ADAM18: variants seen among roughly 807,000 people sequenced by gnomAD.
ADAM18 encodes the protein disintegrin and metalloproteinase domain-containing protein 18.
Under a neutral mutation model 94.4 loss-of-function variants are expected in ADAM18, and 117 were observed. That is an observed-to-expected ratio of 1.24 (90% CI 1.07 to 1.45). The LOEUF (loss-of-function observed/expected upper bound fraction) is 1.45. Among genes scored for constraint, ADAM18 ranks in the 40% most tolerant of loss-of-function variants. The pLI is 0.00. For synonymous variants in ADAM18, 327 were observed against 291.6 expected, an observed-to-expected ratio of 1.12 and a Z score of -1.24; for missense variants, 936 against 880.0, an observed-to-expected ratio of 1.06 and a Z score of -0.81.
chr8:39,687,441 A>G (rs1821637423), intron 16 of ADAM18, among the ~76,000 whole-genome samples: 1 of 152,118 alleles, frequency 6.6e-6, no homozygotes, highest in Non-Finnish European at 1.5e-5. Flanking sequence ...TCTTACATAC[A>G]CTGGTCTAAA....
At chr8:39,602,956 A>G (rs529862249) in intron 2 of ADAM18, among the ~76,000 whole-genome samples, 1 of 152,184 alleles carries the variant, frequency 6.6e-6, no homozygotes, top group Admixed American at 6.5e-5. Flanking sequence ...TAAGTCTACA[A>G]TTTCTTTCCA....
intron 2 of ADAM18, among the ~76,000 whole-genome samples, chr8:39,591,086 T>TA (rs564609623): frequency 6.4e-4 from 98 of 152,326 alleles, no homozygotes; most frequent in African/African-American, 2.3e-3. Flanking sequence ...AACCTTAATT[T>TA]AAAACACTTT....
intron 6 of ADAM18, among the ~76,000 whole-genome samples, chr8:39,617,941 A>T (rs922952915): frequency 6.6e-6 from 1 of 152,146 alleles, no homozygotes; most frequent in Non-Finnish European, 1.5e-5. Flanking sequence ...CAATTTACCT[A>T]TGTATCAAAC....
intron 10 of ADAM18, among the ~76,000 whole-genome samples, chr8:39,642,030 C>T (rs1313832328): frequency 1.3e-5 from 2 of 152,120 alleles, no homozygotes; most frequent in Non-Finnish European, 2.9e-5. Context: ...AGCTTTTTCT[C>T]ATATGATTGT....
intron 7 of ADAM18, among the ~76,000 whole-genome samples, chr8:39,631,549 T>C (rs1266845890): frequency 6.6e-6 from 1 of 152,012 alleles, no homozygotes; most frequent in Non-Finnish European, 1.5e-5. Context: ...TATTTCTGTT[T>C]TATTGAATCA....
At chr8:39,668,307 A>G (rs915890782) in intron 14 of ADAM18, 111 bp downstream of exon 14, 1 of 1,072,024 alleles carries the variant, frequency 9.3e-7, no homozygotes, top group South Asian at 1.9e-5. Flanking sequence ...CAAGATTAAT[A>G]AAAATTAAAT....
chr8:39,711,968 A>G (rs1297694194), intron 18 of ADAM18, among the ~76,000 whole-genome samples: 1 of 152,118 alleles, frequency 6.6e-6, no homozygotes, highest in Non-Finnish European at 1.5e-5. Context: ...CGCAAGCACT[A>G]AAAAATATTA....
intron 2 of ADAM18, among the ~76,000 whole-genome samples, chr8:39,586,123 C>A (rs766260705): frequency 2.6e-5 from 4 of 152,060 alleles, no homozygotes; most frequent in South Asian, 2.1e-4. Flanking sequence ...TCTATTAATT[C>A]TATTTTGGCA....
At chr8:39,611,887 A>C (rs1819283991) in intron 6 of ADAM18, among the ~76,000 whole-genome samples, 3 of 152,226 alleles carry the variant, frequency 2.0e-5, no homozygotes, top group Admixed American at 1.3e-4. Context: ...TGATAACCAC[A>C]AAGCAAACAT....
intron 15 of ADAM18, among the ~76,000 whole-genome samples, chr8:39,678,638 A>C (rs192132040): frequency 6.6e-6 from 1 of 152,300 alleles, no homozygotes; most frequent in Non-Finnish European, 1.5e-5. Flanking sequence ...GTGGCATGAC[A>C]ACCCCACTTA....
At chr8:39,614,049 A>G (rs1819360948) in intron 6 of ADAM18, among the ~76,000 whole-genome samples, 1 of 152,228 alleles carries the variant, frequency 6.6e-6, no homozygotes, top group Admixed American at 6.5e-5. Context: ...CTTGGAAAAC[A>G]TATTTGAGGA....
At chr8:39,682,066 T>C (rs544529383) in intron 16 of ADAM18, among the ~76,000 whole-genome samples, 2 of 152,188 alleles carry the variant, frequency 1.3e-5, no homozygotes, top group South Asian at 4.1e-4. Context: ...AAAACATTAG[T>C]TAAGAGTAAC....
At chr8:39,666,903 GTTTGTGTGTGTGTT>G (rs773512318) in intron 13 of ADAM18, among the ~76,000 whole-genome samples, 16 of 151,954 alleles carry the variant, frequency 1.1e-4, no homozygotes, top group Non-Finnish European at 2.1e-4. Context: ...TTGTGTGTGT[GTTTGTGTGTGTGTT>G]TGTGTGCATG....
chr8:39,721,672 A>G (rs754371879), intron 18 of ADAM18, among the ~76,000 whole-genome samples: 2 of 151,760 alleles, frequency 1.3e-5, no homozygotes, highest in South Asian at 2.1e-4. Flanking sequence ...GATCAGCATC[A>G]CTAATCATCA....
At chr8:39,667,929 A>G in intron 13 of ADAM18, 69 bp from the exon 14 acceptor site, 10 of 1,463,966 alleles carry the variant, frequency 6.8e-6, no homozygotes, top group Non-Finnish European at 7.6e-6. Context: ...TTATGTGATA[A>G]ATCTTTTCAC....
rs181566641 is a variant in ADAM18 at position 39,610,340 on chromosome 8, C to T, written c.345-189C>T. Among the ~76,000 whole-genome samples, 1,121 of 152,046 alleles carry T rather than the reference C, an allele frequency of 7.4e-3. 9 individuals are homozygous for T. The highest frequency in any genetic ancestry group is 0.017 in the South Asian group (84 of 4,818). ...TTAGATCTTTAAAATTTAAGCAAAACGAAGCCAGATATGGTGGCTCTTACT... is the reference window on the plus strand; with the variant it reads ...TTAGATCTTTAAAATTTAAGCAAAATGAAGCCAGATATGGTGGCTCTTACT... On this transcript the variant is annotated intron_variant, in intron 5 of 19. Coordinates refer to ENST00000265707, the MANE Select transcript of ADAM18 (RefSeq NM_014237.3).
At chr8:39,665,652 T>C (rs1286437290) in intron 13 of ADAM18, among the ~76,000 whole-genome samples, 1 of 152,212 alleles carries the variant, frequency 6.6e-6, no homozygotes, top group Non-Finnish European at 1.5e-5. Context: ...TACTGATTTG[T>C]TATTTGTACC....
intron 10 of ADAM18, among the ~76,000 whole-genome samples, chr8:39,644,225 G>C (rs2129579476): frequency 6.6e-6 from 1 of 152,106 alleles, no homozygotes; most frequent in South Asian, 2.1e-4. Flanking sequence ...TAAATAATAT[G>C]AAAAACACTT....
chr8:39,712,611 C>G (rs569177537), intron 18 of ADAM18, among the ~76,000 whole-genome samples: 1 of 152,256 alleles, frequency 6.6e-6, no homozygotes, highest in Non-Finnish European at 1.5e-5. Context: ...GATACAAAAT[C>G]AATGTGCAAA....
Sources: gnomAD v4.1 joint callset for allele counts (sites outside exome capture counted in the v4.1 genomes callset) on GRCh38, gnomAD v4.1.1 for gene constraint, MANE v1.5 for transcripts, NCBI Gene and HGNC (gene_info 2026-07-23, HGNC 2026-07-21) for gene names.